Variants in BRIP1 observed in about 807,000 individuals in gnomAD.
BRIP1 encodes Fanconi anemia group J protein.
A neutral mutation model predicts 119.7 loss-of-function variants in BRIP1; 88 were observed. That is an observed-to-expected ratio of 0.74 (90% CI 0.62 to 0.88). The LOEUF is 0.88. Ranked by LOEUF, BRIP1 falls within the 40% of genes least tolerant of loss-of-function variation. BRIP1 has a pLI of 0.00. For missense variants in BRIP1, 1,259 were observed against 1,455.4 expected (o/e 0.87, Z 2.20); for synonymous variants, 443 against 496.5 (o/e 0.89, Z 1.43).
rs1405762803 is a variant in BRIP1 at position 61,739,065 on chromosome 17, A to C, written c.2379+3948T>G. ...GGCAAAAATGGAAATAATTAGTTTT[A>C]GGGAACAAAATTGTATTTTATTAAG... On this transcript the variant is annotated intron_variant, in intron 16 of 19. Transcript: ENST00000259008. The surrounding 1 kb of genome is among the most constrained non-coding windows in gnomAD (Gnocchi z 6.0). 5.8e-6 allele frequency: 1 copy of C among 171,700 alleles called. No individual in the cohort carries two copies. The highest frequency in any genetic ancestry group is 2.4e-5 in the African/African-American group (1 of 42,078). 10.6% of individuals were successfully genotyped at this position (171,700 alleles called of 1,614,324 possible). A position where few individuals can be genotyped will look rare whatever the true frequency, so the allele number is the denominator to read the frequency against.
At position 61,724,551 on chromosome 17, in the gene BRIP1, T is replaced by C. The variant is rs1296071265; in HGVS notation, c.2380-8488A>G. On this transcript the variant is annotated intron_variant, in intron 16 of 19. Transcript: ENST00000259008. The surrounding 1 kb of genome is among the most constrained non-coding windows in gnomAD (Gnocchi z 5.1). ...GAAAAAATAAATGGTGTGATAAATA[T>C]GAGCTAGAACTATAAATGCATCTCT... Among the ~76,000 whole-genome samples, 1 of 152,166 alleles carries C rather than the reference T, an allele frequency of 6.6e-6. No homozygotes were observed. The highest frequency in any genetic ancestry group is 1.5e-5 in the Non-Finnish European group (1 of 68,014).
intron 14 of BRIP1, among the ~76,000 whole-genome samples, chr17:61,773,261 AACAAAACCTG>A (rs1188063837): frequency 2.6e-5 from 4 of 152,120 alleles, no homozygotes; most frequent in Non-Finnish European, 4.4e-5. Context: ...ACCTGACAAA[AACAAAACCTG>A]ACAAAACCTG....
At chr17:61,855,042 T>G (rs978709738) in intron 4 of BRIP1, among the ~76,000 whole-genome samples, 3 of 150,960 alleles carry the variant, frequency 2.0e-5, no homozygotes, top group Non-Finnish European at 4.4e-5. Context: ...TGAATCCATT[T>G]ATATAAACTA....
intron 10 of BRIP1, among the ~76,000 whole-genome samples, chr17:61,785,029 A>G (rs978483085): frequency 9.2e-5 from 14 of 152,082 alleles, no homozygotes; most frequent in Non-Finnish European, 1.8e-4. Flanking sequence ...AGAGTCAAAG[A>G]CTCTTTAATA....
Position 61,746,319 on chromosome 17 carries a change from A to G in BRIP1, c.2098-1728T>C, listed in dbSNP as rs1004147267. ...GAACAAAAAAGCTGTAGTTAGACAG[A>G]AAACAATTATTGAAATGATAATAAT... On this transcript the variant is annotated intron_variant, in intron 14 of 19. Coordinates refer to ENST00000259008, the MANE Select transcript of BRIP1 (RefSeq NM_032043.3). This position sits in a 1 kb window ranked among gnomAD's most constrained non-coding sequence, Gnocchi z 4.9. Among the ~76,000 whole-genome samples, 3 of 92,640 alleles carry G rather than the reference A, an allele frequency of 3.2e-5. No individual in the cohort carries two copies. The East Asian group carries it at 9.8e-4, about 30-fold the overall frequency. 60.8% of individuals were successfully genotyped at this position (92,640 alleles called of 152,430 possible). A position where few individuals can be genotyped will look rare whatever the true frequency, so the allele number is the denominator to read the frequency against.
At chr17:61,790,732 T>A (rs979252623) in intron 10 of BRIP1, among the ~76,000 whole-genome samples, 42 of 151,880 alleles carry the variant, frequency 2.8e-4, no homozygotes, top group African/African-American at 1.0e-3. Flanking sequence ...CTCAACCTCC[T>A]GGGTTCAGGT....
In BRIP1 at chr17:61,708,598, G is replaced by T. The variant is rs1245835366; in HGVS notation, c.2492+7353C>A. Among the ~76,000 whole-genome samples, 1 of 152,136 alleles carries T rather than the reference G, an allele frequency of 6.6e-6. No homozygotes were observed. On this transcript the variant is annotated intron_variant, in intron 17 of 19. Transcript: ENST00000259008. The surrounding 1 kb of genome is among the most constrained non-coding windows in gnomAD (Gnocchi z 4.4). Reference sequence around the variant, plus strand: ...TCTATTTTCTCAGAGTTCTTCTGCTGTGTTTTTGTTTGCTTTGTTGGACTT... The same window carrying T: ...TCTATTTTCTCAGAGTTCTTCTGCTTTGTTTTTGTTTGCTTTGTTGGACTT...
Position 61,856,829 on chromosome 17 carries a change from AATT to A in BRIP1, c.379+226_379+228del, listed in dbSNP as rs916076023. On this transcript the variant is annotated intron_variant, in intron 4 of 19. Transcript: ENST00000259008. The surrounding 1 kb of genome is among the most constrained non-coding windows in gnomAD (Gnocchi z 5.1). ...TTATTTTGCCTTGCCTTCCTTAAAA[AATT>A]ATTTAGGACAACAAAATGTCTCAAT... Among the ~76,000 whole-genome samples, 1 of 152,230 alleles carries A rather than the reference AATT, an allele frequency of 6.6e-6. No individual in the cohort carries two copies. Among genetic ancestry groups the A allele is most frequent in the African/African-American group, 2.4e-5 (1 of 41,470 alleles).
rs1603304544 is a variant in BRIP1, at chr17:61,744,498, C to T, written c.2191G>A (p.Glu731Lys). Reference sequence around the variant, plus strand: ...AGTAATTCATCAAAATTTGTTTTTTCTCCTCCCTGTGGTTCTACAATGACT... The same window carrying T: ...AGTAATTCATCAAAATTTGTTTTTTTTCCTCCCTGTGGTTCTACAATGACT... ...KTVIVEPQGGEKTNFDELLQV... is the reference protein window; with the variant it reads ...KTVIVEPQGGKKTNFDELLQV... The change falls in exon 15 of 20, where the codon GAA (glutamate) becomes AAA (lysine). Residue 731 changes from glutamate (E) to lysine (K), a missense_variant. Physicochemically the swap from Glu to Lys is moderately conservative, Grantham distance 56. Coordinates refer to ENST00000259008, the MANE Select transcript of BRIP1 (RefSeq NM_032043.3). This position sits in a 1 kb window ranked among gnomAD's most constrained non-coding sequence, Gnocchi z 5.0. 1.9e-6 allele frequency: 3 copies of T among 1,613,846 alleles called. No homozygotes were observed. Among genetic ancestry groups the T allele is most frequent in the Non-Finnish European group, 2.5e-6 (3 of 1,179,896 alleles).
rs754850393 is a variant in BRIP1 at position 61,845,642 on chromosome 17, T to C, written c.627+1459A>G. The stretch of plus-strand genomic sequence containing the variant: ...TCATAAAGAATTACCATGGTTAGTA[T>C]ATCATTCACTCTTTTTCAAGCAAAA... On this transcript the variant is annotated intron_variant, in intron 6 of 19. Transcript: ENST00000259008. The surrounding 1 kb of genome is among the most constrained non-coding windows in gnomAD (Gnocchi z 4.2). Among the ~76,000 whole-genome samples, 12 of 152,190 alleles carry C rather than the reference T, an allele frequency of 7.9e-5. No individual in the cohort carries two copies. Among genetic ancestry groups the C allele is most frequent in the Non-Finnish European group, 1.8e-4 (12 of 68,030 alleles).
chr17:61,729,820 C>T lies in BRIP1; in HGVS notation c.2379+13193G>A, dbSNP rs1407312922. 1.3e-5 allele frequency among the ~76,000 whole-genome samples: 2 copies of T among 151,964 alleles called. No individual in the cohort carries two copies. The highest frequency in any genetic ancestry group is 1.5e-5 in the Non-Finnish European group (1 of 68,008). On this transcript the variant is annotated intron_variant, in intron 16 of 19. Transcript: ENST00000259008. The surrounding 1 kb of genome is among the most constrained non-coding windows in gnomAD (Gnocchi z 5.6). ...GCCAACCAGAAGATAATGGCAATGT[C>T]TAGAGATATTTTGGGTTATCACAAC...
At chr17:61,838,462 T>C (rs1479431471) in intron 6 of BRIP1, among the ~76,000 whole-genome samples, 1 of 151,444 alleles carries the variant, frequency 6.6e-6, no homozygotes, top group Non-Finnish European at 1.5e-5. Context: ...AGGAGAACGG[T>C]GTGAACCCAG....
chr17:61,753,159 C>T lies in BRIP1; in HGVS notation c.2098-8568G>A, dbSNP rs1468003061. Among the ~76,000 whole-genome samples, 3 of 152,130 alleles carry T rather than the reference C, an allele frequency of 2.0e-5. No individual in the cohort carries two copies. Among genetic ancestry groups the T allele is most frequent in the Non-Finnish European group, 4.4e-5 (3 of 68,018 alleles). Reference sequence around the variant, plus strand: ...CCTCCTTGCCCTGTGATACTCTGAGCCACCCTGGGACTCAGCAGAGAGTTC... The same window carrying T: ...CCTCCTTGCCCTGTGATACTCTGAGTCACCCTGGGACTCAGCAGAGAGTTC... On this transcript the variant is annotated intron_variant, in intron 14 of 19. Coordinates refer to ENST00000259008, the MANE Select transcript of BRIP1 (RefSeq NM_032043.3). This position sits in a 1 kb window ranked among gnomAD's most constrained non-coding sequence, Gnocchi z 4.6.
At chr17:61,847,312 T>C (rs1315302819) in intron 5 of BRIP1, 92 bp from the exon 6 acceptor site, 5 of 1,399,044 alleles carry the variant, frequency 3.6e-6, no homozygotes, top group Non-Finnish European at 5.0e-6. Context: ...TATGTATTTT[T>C]TTCCTGCATC....
intron 16 of BRIP1, among the ~76,000 whole-genome samples, chr17:61,733,259 C>G (rs1475960099): frequency 6.6e-6 from 1 of 152,144 alleles, no homozygotes; most frequent in Non-Finnish European, 1.5e-5. Flanking sequence ...GCAATTGGCG[C>G]GAGTCTGTAA....
chr17:61,847,407 T>C (rs912124355), intron 5 of BRIP1, among the ~76,000 whole-genome samples, 187 bp from the exon 6 acceptor site: 38 of 152,142 alleles, frequency 2.5e-4, no homozygotes, highest in Admixed American at 1.9e-3. Context: ...TTAAAGGAAA[T>C]AGAACATAGT....
In BRIP1 at chr17:61,809,351, T is replaced by C. The variant is rs998784891; in HGVS notation, c.628-594A>G. Among the ~76,000 whole-genome samples the C allele has an allele frequency of 2.0e-5, 3 of 152,190 alleles. No homozygotes were observed. The highest frequency in any genetic ancestry group is 7.2e-5 in the African/African-American group (3 of 41,474). ...TATTTAATAATGAAAGCAGGTTGCT[T>C]GTGTGGAACAAGTATATCTGAAATT... On this transcript the variant is annotated intron_variant, in intron 6 of 19. Coordinates refer to ENST00000259008, the MANE Select transcript of BRIP1 (RefSeq NM_032043.3). This position sits in a 1 kb window ranked among gnomAD's most constrained non-coding sequence, Gnocchi z 5.2.
intron 17 of BRIP1, among the ~76,000 whole-genome samples, chr17:61,694,201 C>T (rs1406523203): frequency 1.3e-5 from 2 of 152,094 alleles, no homozygotes; most frequent in Admixed American, 1.3e-4. Flanking sequence ...AACATTTTCA[C>T]CACCCCAAAA....
intron 6 of BRIP1, among the ~76,000 whole-genome samples, chr17:61,821,981 C>A (rs1421466699): frequency 6.6e-6 from 1 of 152,138 alleles, no homozygotes; most frequent in East Asian, 1.9e-4. Context: ...TTAACTAAAA[C>A]TGCACATGAA....
Sources: allele counts gnomAD v4.1 joint callset (sites outside exome capture counted in the v4.1 genomes callset), GRCh38; gene constraint gnomAD v4.1.1; non-coding constraint Gnocchi (gnomAD v3.1); transcripts MANE v1.5; gene names NCBI Gene and HGNC (gene_info 2026-07-23, HGNC 2026-07-21).